Variants in DLG2 observed in about 807,000 individuals in gnomAD.
DLG2 encodes discs large MAGUK scaffold protein 2.
Under a neutral mutation model 132.5 loss-of-function variants are expected in DLG2, and 45 were observed. That is an observed-to-expected ratio of 0.34 (90% CI 0.27 to 0.44). The LOEUF is 0.44. Among genes scored for constraint, DLG2 ranks in the 20% least tolerant of loss-of-function variants. The pLI, the probability that DLG2 is intolerant of heterozygous loss-of-function variation, is 1.00. For missense variants in DLG2, 1,045 were observed against 1,196.9 expected (o/e 0.87, Z 1.87); for synonymous variants, 424 against 419.6 (o/e 1.01, Z -0.13).
At chr11:83,524,123 A>G (rs1446853722) in intron 21 of DLG2, among the ~76,000 whole-genome samples, 1 of 152,102 alleles carries the variant, frequency 6.6e-6, no homozygotes, top group Non-Finnish European at 1.5e-5. Flanking sequence ...ATAGACTAAT[A>G]TTTCTTAGTA....
intron 6 of DLG2, among the ~76,000 whole-genome samples, chr11:84,925,924 C>T (rs1326282546): frequency 2.0e-5 from 3 of 152,064 alleles, no homozygotes; most frequent in Admixed American, 6.6e-5. Context: ...TATTGGAATA[C>T]AGGAGCCTGA....
At chr11:84,482,941 A>G (rs1216506380) in intron 7 of DLG2, among the ~76,000 whole-genome samples, 1 of 152,152 alleles carries the variant, frequency 6.6e-6, no homozygotes, top group Non-Finnish European at 1.5e-5. Flanking sequence ...ATTTTAGTGG[A>G]GGAGAAAAAT....
intron 19 of DLG2, among the ~76,000 whole-genome samples, chr11:83,596,905 A>G (rs1452084986): frequency 6.6e-6 from 1 of 152,134 alleles, no homozygotes; most frequent in Non-Finnish European, 1.5e-5. Flanking sequence ...TCTAAAATTA[A>G]TTGTTCTCCT....
intron 6 of DLG2, among the ~76,000 whole-genome samples, chr11:85,073,100 T>G (rs1275622064): frequency 1.3e-5 from 2 of 151,876 alleles, no homozygotes; most frequent in Non-Finnish European, 2.9e-5. Flanking sequence ...ATATTAAACA[T>G]ATTTCAAAAT....
At chr11:84,118,088 C>T (rs981013881) in intron 9 of DLG2, among the ~76,000 whole-genome samples, 3 of 152,076 alleles carry the variant, frequency 2.0e-5, no homozygotes, top group African/African-American at 4.8e-5. Flanking sequence ...AACTCCTGAC[C>T]GCAGGTGATC....
intron 5 of DLG2, among the ~76,000 whole-genome samples, chr11:85,154,153 A>G: frequency 6.6e-6 from 1 of 151,274 alleles, no homozygotes; most frequent in Admixed American, 6.6e-5. Context: ...AAAAAAAAAA[A>G]AAAAAAAACA....
In DLG2 at chr11:84,305,976, T is replaced by A. The variant is rs371362431; in HGVS notation, c.520-54685A>T. ...AATATTTTAAAAACAACTTTATTAA[T>A]GAAATTTGGTGAGATCCCTGTATTT... On this transcript the variant is annotated intron_variant, in intron 7 of 27. Transcript: ENST00000376104. 4.4e-4 allele frequency among the ~76,000 whole-genome samples: 67 copies of A among 152,338 alleles called. 1 individual carries two copies. In the South Asian group the frequency reaches 0.013, roughly 30 times the overall value.
intron 6 of DLG2, among the ~76,000 whole-genome samples, chr11:84,980,395 A>G (rs894271063): frequency 9.9e-5 from 15 of 152,240 alleles, no homozygotes; most frequent in Middle Eastern, 3.4e-3. Context: ...TGCCTGTATG[A>G]GGGTACTTTC....
chr11:83,790,958 T>G lies in DLG2; in HGVS notation c.1723-4166A>C, dbSNP rs560774647. On this transcript the variant is annotated intron_variant, in intron 17 of 27. Coordinates refer to ENST00000376104, the MANE Select transcript of DLG2 (RefSeq NM_001142699.3). ...GAAGTCCAATAACGACAGGCACATGTTCATCCAGGCGAAGATACAGGTCTC... is the reference window on the plus strand; with the variant it reads ...GAAGTCCAATAACGACAGGCACATGGTCATCCAGGCGAAGATACAGGTCTC... 5.3e-4 allele frequency: 502 copies of G among 953,210 alleles called. 2 individuals carry two copies. The African/African-American group carries it at 7.7e-3, about 15-fold the overall frequency. The allele number at this position is 953,210 out of a possible 1,614,324, so 59.0% of individuals were successfully genotyped here.
chr11:83,890,526 G>A (rs182653898), intron 15 of DLG2, among the ~76,000 whole-genome samples: 3 of 152,256 alleles, frequency 2.0e-5, no homozygotes, highest in African/African-American at 7.2e-5. Context: ...TGGGGAAGGA[G>A]CATGGGCTTG....
chr11:83,672,928 G>C (rs931953595), intron 18 of DLG2, among the ~76,000 whole-genome samples: 1 of 152,152 alleles, frequency 6.6e-6, no homozygotes, highest in Admixed American at 6.5e-5. Context: ...TGGATGTAGT[G>C]GCACACACCT....
At chr11:84,451,750 A>G (rs1191785099) in intron 7 of DLG2, among the ~76,000 whole-genome samples, 1 of 151,860 alleles carries the variant, frequency 6.6e-6, no homozygotes, top group Non-Finnish European at 1.5e-5. Flanking sequence ...TACAAAAGAT[A>G]AATAGAAAAA....
chr11:84,358,731 C>T (rs544350354), intron 7 of DLG2, among the ~76,000 whole-genome samples: 1 of 151,988 alleles, frequency 6.6e-6, no homozygotes, highest in East Asian at 1.9e-4. Context: ...AGTTTTATAA[C>T]TGAATGACTT....
intron 19 of DLG2, among the ~76,000 whole-genome samples, chr11:83,575,569 A>G (rs931526593): frequency 1.3e-5 from 2 of 152,218 alleles, no homozygotes; most frequent in African/African-American, 2.4e-5. Context: ...AGAAAGAACC[A>G]TTTTGAAGGA....
intron 21 of DLG2, chr11:83,486,351 C>CAAAA: frequency 8.8e-6 from 4 of 453,918 alleles, no homozygotes; most frequent in East Asian, 3.8e-5. Context: ...ACTTGTCATG[C>CAAAA]AAAAAAAAAA....
chr11:85,600,663 A>G (rs1369202778), intron 2 of DLG2, among the ~76,000 whole-genome samples: 6 of 152,236 alleles, frequency 3.9e-5, no homozygotes, highest in Admixed American at 3.3e-4. Flanking sequence ...TAGTTCCAAC[A>G]TATATGTGGT....
At chr11:84,599,150 C>A (rs2099570161) in intron 6 of DLG2, among the ~76,000 whole-genome samples, 1 of 152,050 alleles carries the variant, frequency 6.6e-6, no homozygotes, top group African/African-American at 2.4e-5. Flanking sequence ...GAGGCTGAGG[C>A]AGGAGAATCA....
chr11:83,708,994 G>C (rs996635943), intron 18 of DLG2, among the ~76,000 whole-genome samples: 2 of 152,066 alleles, frequency 1.3e-5, no homozygotes, highest in Non-Finnish European at 1.5e-5. Flanking sequence ...CCATTTCCCT[G>C]ACTTTACTTG....
rs2076839326 is a variant in DLG2, at chr11:84,813,983, T to G, written c.358-279252A>C. On this transcript the variant is annotated intron_variant, in intron 6 of 27. Coordinates refer to ENST00000376104, the MANE Select transcript of DLG2 (RefSeq NM_001142699.3). ...CAGAAAGGAAAAGAAAATACATTTT[T>G]CTTGTTTCTACACTATATTCCTGCA... Among the ~76,000 whole-genome samples, 3 of 152,162 alleles carry G rather than the reference T, an allele frequency of 2.0e-5. No homozygotes were observed. In the South Asian group the frequency reaches 6.2e-4, roughly 31 times the overall value.
Sources: gnomAD v4.1 joint callset for allele counts (sites outside exome capture counted in the v4.1 genomes callset) on GRCh38, gnomAD v4.1.1 for gene constraint, MANE v1.5 for transcripts, NCBI Gene and HGNC (gene_info 2026-07-23, HGNC 2026-07-21) for gene names.